The following IL16 variants were observed in gnomAD, a reference collection of about 807,000 sequenced individuals.
IL16 encodes the protein pro-interleukin-16.
A neutral mutation model predicts 110.1 loss-of-function variants in IL16; 67 were observed. The observed-to-expected ratio is 0.61, with a 90% CI of 0.50 to 0.75. The LOEUF is 0.75. Among genes scored for constraint, IL16 ranks in the 30% least tolerant of loss-of-function variants. IL16 has a pLI of 0.00. For synonymous variants in IL16, 689 were observed against 662.9 expected (o/e 1.04, Z -0.61); for missense variants, 1,545 against 1,655.0 (o/e 0.93, Z 1.15).
chr15:81,284,873 T>C (rs999016304), intron 9 of IL16, among the ~76,000 whole-genome samples: 2 of 152,214 alleles, frequency 1.3e-5, no homozygotes, highest in Non-Finnish European at 2.9e-5. Context: ...CAGAGTTGAA[T>C]AGTTTCGATA....
In IL16 at chr15:81,278,798, A is replaced by G. The variant is rs1596024843; in HGVS notation, c.791-19A>G. 1 of 1,558,516 alleles carries G rather than the reference A, an allele frequency of 6.4e-7. No homozygotes were observed. On this transcript the variant is annotated intron_variant, in intron 6 of 18. Coordinates refer to ENST00000683961, the MANE Select transcript of IL16 (RefSeq NM_172217.5). ...ATTGGGCAACACTCTTCTTAGCTAC[A>G]CTTTCTCTCTCTAAACAGGTGATGA...
At chr15:81,277,319 T>A (rs1465654263) in intron 6 of IL16, among the ~76,000 whole-genome samples, 1 of 152,240 alleles carries the variant, frequency 6.6e-6, no homozygotes, top group African/African-American at 2.4e-5. Context: ...TAGTGGCTTA[T>A]AATTTTCAAG....
rs1049249860 is a variant in IL16 at position 81,201,151 on chromosome 15, GTC to G, written c.-102+4003_-102+4004del. Among the ~76,000 whole-genome samples, 6 of 148,608 alleles carry G rather than the reference GTC, an allele frequency of 4.0e-5. No individual in the cohort carries two copies. In the East Asian group the frequency reaches 1.2e-3, roughly 31 times the overall value. ...AGCAGAAAATAAAAAGTGTGTGTGTGTCTCTGTGTGTGTGTGTGTGTATGTGT... is the reference window on the plus strand; with the variant it reads ...AGCAGAAAATAAAAAGTGTGTGTGTGTCTGTGTGTGTGTGTGTGTATGTGT... On this transcript the variant is annotated intron_variant, in intron 1 of 18. Transcript: ENST00000683961.
chr15:81,206,999 C>A (rs905664121), intron 1 of IL16, among the ~76,000 whole-genome samples: 1 of 151,756 alleles, frequency 6.6e-6, no homozygotes, highest in African/African-American at 2.4e-5. Flanking sequence ...TTTGGGAGGC[C>A]GAGGCAGGTG....
intron 1 of IL16, among the ~76,000 whole-genome samples, chr15:81,188,160 A>T (rs1392579400): frequency 6.6e-6 from 1 of 152,190 alleles, no homozygotes; most frequent in Non-Finnish European, 1.5e-5. Context: ...TAGAATGGGC[A>T]TTGGAGGCAA....
chr15:81,209,508 A>G (rs1000629549), intron 1 of IL16, among the ~76,000 whole-genome samples: 4 of 152,140 alleles, frequency 2.6e-5, no homozygotes, highest in African/African-American at 9.7e-5. Flanking sequence ...GGCATTGTCC[A>G]GTTCAGAACC....
At chr15:81,278,918 A>G (rs780056961) in intron 7 of IL16, 28 bp downstream of exon 7, 1 of 1,491,918 alleles carries the variant, frequency 6.7e-7, no homozygotes, top group Non-Finnish European at 9.4e-7. Context: ...ACACGTGACC[A>G]AACTCTGGGG....
At chr15:81,272,049 C>G (rs1898665595) in intron 5 of IL16, among the ~76,000 whole-genome samples, 2 of 152,220 alleles carry the variant, frequency 1.3e-5, no homozygotes, top group South Asian at 2.1e-4. Context: ...TACGTTGGAC[C>G]CAAAAGCCTG....
chr15:81,242,028 AT>A (rs1897354107), intron 2 of IL16, among the ~76,000 whole-genome samples: 1 of 151,548 alleles, frequency 6.6e-6, no homozygotes, highest in Non-Finnish European at 1.5e-5. Context: ...CTTCCATTGA[AT>A]TCCTGCTGCA....
In IL16 at chr15:81,313,342, G is replaced by C. The variant is rs1443395468; in HGVS notation, c.*4544G>C. On this transcript the variant is annotated 3_prime_UTR_variant, in exon 19 of 19. Transcript: ENST00000683961. ...GGGAAGAAGGAGTCCACCACGTTCT[G>C]TGGGAGGTAACCGCTGAGGTCGGTA... 6.3e-7 allele frequency: 1 copy of C among 1,582,064 alleles called. No individual in the cohort carries two copies.
At chr15:81,301,629 G>T (rs1900291664) in intron 15 of IL16, 117 bp downstream of exon 15, 1 of 824,572 alleles carries the variant, frequency 1.2e-6, no homozygotes, top group Admixed American at 2.5e-5. Flanking sequence ...GACCCAGGTT[G>T]CGTCCTGTGA....
intron 15 of IL16, chr15:81,302,146 C>T (rs1291582528): frequency 1.3e-5 from 2 of 152,344 alleles, no homozygotes; most frequent in Non-Finnish European, 2.9e-5. Flanking sequence ...CCTCCGTAGG[C>T]TTTTGGCACT....
In IL16 at chr15:81,297,015, G is replaced by A; in HGVS notation, c.1990G>A (p.Gly664Ser). The change falls in exon 13 of 19, where the codon GGT becomes AGT. Residue 664 changes from glycine (G) to serine (S), a missense_variant. This residue lies in a region of IL16 where 1,185 missense variants were observed against 1,238.8 expected (regional missense o/e 0.96). Transcript: ENST00000683961. Reference protein sequence around the residue: ...PSASAGCPGPGIGPQTKSSTE... With the variant: ...PSASAGCPGPSIGPQTKSSTE... ...TGCCTCTGCCGGCTGCCCAGGACCTGGTATCGGCCCACAGACCAAGTCCTC... is the reference window on the plus strand; with the variant it reads ...TGCCTCTGCCGGCTGCCCAGGACCTAGTATCGGCCCACAGACCAAGTCCTC... The A allele has an allele frequency of 1.2e-6, 2 of 1,613,960 alleles. No homozygotes were observed. Among genetic ancestry groups the A allele is most frequent in the Non-Finnish European group, 1.7e-6 (2 of 1,179,978 alleles).
At chr15:81,255,328 C>T (rs759113278) in intron 2 of IL16, among the ~76,000 whole-genome samples, 6 of 152,212 alleles carry the variant, frequency 3.9e-5, no homozygotes, top group Non-Finnish European at 4.4e-5. Flanking sequence ...CTTCACACCA[C>T]GGCCATGTTG....
chr15:81,200,007 AC>A (rs1443464886), intron 1 of IL16, among the ~76,000 whole-genome samples: 1 of 152,070 alleles, frequency 6.6e-6, no homozygotes, highest in Non-Finnish European at 1.5e-5. Context: ...ATCAGAGAAA[AC>A]CTGAAAGTAG....
At chr15:81,199,033 A>T (rs1447719329) in intron 1 of IL16, among the ~76,000 whole-genome samples, 14 of 88,164 alleles carry the variant, frequency 1.6e-4, no homozygotes, top group African/African-American at 8.3e-4. Flanking sequence ...AAAAAAAAAT[A>T]TATATATATA....
upstream of IL16, among the ~76,000 whole-genome samples, chr15:81,193,421 C>T (rs1053278677): frequency 6.6e-6 from 1 of 151,938 alleles, no homozygotes; most frequent in Admixed American, 6.6e-5. Flanking sequence ...GAAGTCCAGG[C>T]CTGGAGAAGT....
intron 9 of IL16, among the ~76,000 whole-genome samples, chr15:81,284,209 C>T (rs1440941060): frequency 6.6e-6 from 1 of 152,166 alleles, no homozygotes; most frequent in East Asian, 1.9e-4. Flanking sequence ...ATACTTTGCA[C>T]TCTAACATTT....
Position 81,313,430 on chromosome 15 carries a change from T to C in IL16, c.*4632T>C. The C allele has an allele frequency of 1.3e-6, 2 of 1,491,242 alleles. No individual in the cohort carries two copies. Among genetic ancestry groups the C allele is most frequent in the South Asian group, 1.4e-5 (1 of 71,910 alleles). The allele number at this position is 1,491,242 out of a possible 1,614,324, so 92.4% of individuals were successfully genotyped here. On this transcript the variant is annotated 3_prime_UTR_variant, in exon 19 of 19. Transcript: ENST00000683961. ...TGTGAAGGCAACAGCAGAGCTGTGT[T>C]ATGATCTGCAGCAGAGGTGCTGGGG...
Sources: gnomAD v4.1 joint callset for allele counts (sites outside exome capture counted in the v4.1 genomes callset) on GRCh38, gnomAD v4.1.1 for gene constraint, gnomAD v4.1.1 regional missense constraint, MANE v1.5 for transcripts, NCBI Gene and HGNC (gene_info 2026-07-23, HGNC 2026-07-21) for gene names.